The following COMMD1 variants were observed in gnomAD, a reference collection of about 807,000 sequenced individuals.
The protein encoded by COMMD1 is COMM domain-containing protein 1.
In COMMD1, 10 loss-of-function variants were observed where a neutral mutation model predicts 17.2. The observed-to-expected ratio is 0.58, with a 90% CI of 0.36 to 0.99. The LOEUF (loss-of-function observed/expected upper bound fraction) is 0.99. COMMD1 is among the 50% of genes least tolerant of loss of function. The probability of loss-of-function intolerance (pLI) is 0.01; values close to 1 mark genes in which losing one functional copy is unlikely to be tolerated. For missense variants in COMMD1, 270 were observed against 231.8 expected (o/e 1.17, Z -1.07); for synonymous variants, 97 against 91.6 (o/e 1.06, Z -0.34).
intron 1 of COMMD1, among the ~76,000 whole-genome samples, chr2:61,977,038 G>A (rs1671820729): frequency 2.6e-5 from 4 of 151,772 alleles, no homozygotes; most frequent in Admixed American, 2.0e-4. Context: ...TGGCCAGGCT[G>A]GTCTCGAACT....
At chr2:62,067,017 TGCCCAG>T (rs1671071167) in intron 2 of COMMD1, among the ~76,000 whole-genome samples, 2 of 152,048 alleles carry the variant, frequency 1.3e-5, no homozygotes, top group Non-Finnish European at 2.9e-5. Flanking sequence ...TGAGCCACCG[TGCCCAG>T]CCCAAATCTA....
chr2:62,050,117 A>G (rs1336834587), intron 2 of COMMD1, among the ~76,000 whole-genome samples: 5 of 152,176 alleles, frequency 3.3e-5, no homozygotes, highest in Non-Finnish European at 7.3e-5. Flanking sequence ...AATATAAGCT[A>G]CTGATTCCAT....
intron 1 of COMMD1, among the ~76,000 whole-genome samples, chr2:61,998,528 G>A (rs1668833924): frequency 6.6e-6 from 1 of 152,138 alleles, no homozygotes; most frequent in Non-Finnish European, 1.5e-5. Flanking sequence ...CCAAAGTGCT[G>A]GGATTACAGG....
At chr2:62,065,057 A>G (rs1035220366) in intron 2 of COMMD1, among the ~76,000 whole-genome samples, 1 of 152,136 alleles carries the variant, frequency 6.6e-6, no homozygotes, top group African/African-American at 2.4e-5. Flanking sequence ...AATCCCAGCT[A>G]CTTGTGGGAT....
chr2:61,979,600 C>A (rs936974472), intron 1 of COMMD1, among the ~76,000 whole-genome samples: 1 of 152,090 alleles, frequency 6.6e-6, no homozygotes, highest in African/African-American at 2.4e-5. Flanking sequence ...GCCACCGCGC[C>A]CGGCCTATTT....
chr2:61,920,787 A>G (rs1424665790), intron 1 of COMMD1, among the ~76,000 whole-genome samples: 1 of 151,846 alleles, frequency 6.6e-6, no homozygotes, highest in Non-Finnish European at 1.5e-5. Flanking sequence ...TTGACAGTGG[A>G]TCCAAATCTG....
intron 1 of COMMD1, among the ~76,000 whole-genome samples, chr2:61,953,295 G>A (rs188776413): frequency 1.8e-4 from 27 of 152,102 alleles, no homozygotes; most frequent in African/African-American, 6.3e-4. Flanking sequence ...TTACAGGTGT[G>A]AGCCACCATA....
intron 2 of COMMD1, among the ~76,000 whole-genome samples, chr2:62,085,546 A>G (rs1671639307): frequency 6.6e-6 from 1 of 152,116 alleles, no homozygotes; most frequent in South Asian, 2.1e-4. Flanking sequence ...TAGACGAAAG[A>G]TAAAAACATG....
chr2:62,013,643 A>G (rs762524413), intron 2 of COMMD1, among the ~76,000 whole-genome samples: 20 of 152,196 alleles, frequency 1.3e-4, no homozygotes, highest in Non-Finnish European at 2.4e-4. Flanking sequence ...GTGAGCAGGT[A>G]GAGTGTAGGT....
intron 2 of COMMD1, among the ~76,000 whole-genome samples, chr2:62,108,715 C>G (rs1183183492): frequency 6.6e-6 from 1 of 152,054 alleles, no homozygotes; most frequent in Non-Finnish European, 1.5e-5. Flanking sequence ...TCCTGTTTAT[C>G]AATTGCCTTC....
intron 2 of COMMD1, among the ~76,000 whole-genome samples, chr2:62,135,326 A>G (rs1488850811): frequency 2.0e-5 from 3 of 151,944 alleles, no homozygotes; most frequent in African/African-American, 2.4e-5. Flanking sequence ...CCTCTTATTT[A>G]TCAATATGAA....
intron 1 of COMMD1, among the ~76,000 whole-genome samples, chr2:61,977,964 G>T (rs1167746416): frequency 1.3e-5 from 2 of 151,532 alleles, no homozygotes; most frequent in Non-Finnish European, 2.9e-5. Context: ...ACTCCAGTCT[G>T]GGCAACACAG....
At chr2:61,980,937 CTTT>C (rs1671937873) in intron 1 of COMMD1, among the ~76,000 whole-genome samples, 2 of 151,968 alleles carry the variant, frequency 1.3e-5, no homozygotes, top group Non-Finnish European at 2.9e-5. Flanking sequence ...GTATGTTTGC[CTTT>C]TTTATTTCTT....
At chr2:62,071,175 A>G (rs1327807783) in intron 2 of COMMD1, among the ~76,000 whole-genome samples, 3 of 152,220 alleles carry the variant, frequency 2.0e-5, no homozygotes, top group Admixed American at 6.5e-5. Flanking sequence ...GGGGTGGGCA[A>G]TTCCTGGAAC....
At chr2:61,963,190 TAC>T (rs375894719) in intron 1 of COMMD1, among the ~76,000 whole-genome samples, 23,849 of 135,868 alleles carry the variant, frequency 0.18, 2,077 homozygotes, top group East Asian at 0.23. Flanking sequence ...ATATATTATA[TAC>T]ACACACACAC....
chr2:62,047,714 A>G (rs978366803), intron 2 of COMMD1, among the ~76,000 whole-genome samples: 2 of 152,094 alleles, frequency 1.3e-5, no homozygotes, highest in Admixed American at 6.5e-5. Flanking sequence ...CGGCCTCCCA[A>G]GGTGCTGGGA....
intron 2 of COMMD1, among the ~76,000 whole-genome samples, chr2:62,001,730 A>G (rs1404464646): frequency 6.6e-6 from 1 of 152,220 alleles, no homozygotes; most frequent in Non-Finnish European, 1.5e-5. Context: ...TGCTTCTATT[A>G]TATCCTACAA....
chr2:61,888,510 C>A, upstream of COMMD1: 1 of 1,611,004 alleles, frequency 6.2e-7, no homozygotes, highest in Non-Finnish European at 8.5e-7. Context: ...TCGGGCATGG[C>A]AAACTCCGCT....
intron 1 of COMMD1, among the ~76,000 whole-genome samples, chr2:61,954,568 G>A (rs1165186064): frequency 1.3e-5 from 2 of 152,174 alleles, no homozygotes; most frequent in Non-Finnish European, 2.9e-5. Context: ...GTGAAGAGAG[G>A]AGTCTTCCCT....
Sources: gnomAD v4.1 joint callset for allele counts (sites outside exome capture counted in the v4.1 genomes callset) on GRCh38, gnomAD v4.1.1 for gene constraint, MANE v1.5 for transcripts, NCBI Gene and HGNC (gene_info 2026-07-23, HGNC 2026-07-21) for gene names.